Variants in EPHB1 observed in about 807,000 individuals in gnomAD.
The protein encoded by EPHB1 is EPH receptor B1, also known as ephrin type-B receptor 1.
EPHB1 carries 30 observed loss-of-function variants against 94.4 expected under a neutral mutation model. The ratio of observed to expected loss-of-function variants is 0.32; its 90% CI spans 0.24 to 0.43. The LOEUF is 0.43. EPHB1 is among the 20% of genes least tolerant of loss of function. The pLI, the probability that EPHB1 is intolerant of heterozygous loss-of-function variation, is 1.00. For synonymous variants in EPHB1, 522 were observed against 489.1 expected (o/e 1.07, Z -0.89); for missense variants, 1,055 against 1,308.3 (o/e 0.81, Z 2.99).
At chr3:135,044,976 G>T (rs1442701113) in intron 3 of EPHB1, among the ~76,000 whole-genome samples, 1 of 152,152 alleles carries the variant, frequency 6.6e-6, no homozygotes, top group Admixed American at 6.5e-5. Context: ...AACAAGATAG[G>T]TTCCGGAGAT....
rs146257135 is a variant in EPHB1, at chr3:135,184,118, G to T, written c.1882+4136G>T. Among the ~76,000 whole-genome samples the T allele has an allele frequency of 7.2e-5, 11 of 152,322 alleles. No homozygotes were observed. In the East Asian group the frequency reaches 2.1e-3, roughly 29 times the overall value. On this transcript the variant is annotated intron_variant, in intron 10 of 15. Coordinates refer to ENST00000398015, the MANE Select transcript of EPHB1 (RefSeq NM_004441.5). ...TATCCAAACTGGGGTATACCCAAAT[G>T]AATGTGATGAATGGAGTGACTAGTG...
intron 3 of EPHB1, among the ~76,000 whole-genome samples, chr3:134,985,488 T>C (rs1022231659): frequency 6.6e-6 from 1 of 152,166 alleles, no homozygotes; most frequent in African/African-American, 2.4e-5. Flanking sequence ...AGCAGAGCAA[T>C]TAAAGATGGT....
At chr3:134,857,233 C>T (rs2037141982) in intron 1 of EPHB1, among the ~76,000 whole-genome samples, 1 of 152,160 alleles carries the variant, frequency 6.6e-6, no homozygotes, top group Non-Finnish European at 1.5e-5. Context: ...TTGTGCTCAG[C>T]CCCTGTCTGC....
intron 12 of EPHB1, among the ~76,000 whole-genome samples, chr3:135,227,885 T>C (rs1943437845): frequency 6.6e-6 from 1 of 152,164 alleles, no homozygotes; most frequent in South Asian, 2.1e-4. Flanking sequence ...CTTTCTCTCT[T>C]TCTCTCTCTG....
At chr3:134,884,465 C>G (rs2037822476) in intron 1 of EPHB1, among the ~76,000 whole-genome samples, 1 of 152,114 alleles carries the variant, frequency 6.6e-6, no homozygotes, top group African/African-American at 2.4e-5. Context: ...TGCTCAGATG[C>G]CATTCCTGGG....
intron 3 of EPHB1, among the ~76,000 whole-genome samples, chr3:135,016,406 GAAGTCTA>G (rs1176716462): frequency 6.6e-6 from 1 of 152,232 alleles, no homozygotes; most frequent in Admixed American, 6.5e-5. Flanking sequence ...AGCTCAGGCT[GAAGTCTA>G]TTGCCTCTGT....
intron 1 of EPHB1, among the ~76,000 whole-genome samples, chr3:134,897,064 C>G (rs73861984): frequency 0.017 from 2,555 of 152,322 alleles, 76 homozygotes; most frequent in African/African-American, 0.059. Context: ...AAGCAGAGGG[C>G]AGAGGTGATC....
intron 3 of EPHB1, among the ~76,000 whole-genome samples, chr3:135,021,310 G>T (rs1935980788): frequency 6.6e-6 from 1 of 152,014 alleles, no homozygotes; most frequent in Admixed American, 6.5e-5. Flanking sequence ...ATTGTATTCA[G>T]TCTTCCATCT....
At chr3:135,237,064 C>G (rs548003872) in intron 12 of EPHB1, among the ~76,000 whole-genome samples, 41 of 152,128 alleles carry the variant, frequency 2.7e-4, no homozygotes, top group Admixed American at 2.2e-3. Flanking sequence ...TTACCATGTC[C>G]CCAGCAGGGT....
intron 13 of EPHB1, 87 bp from the exon 14 acceptor site, chr3:135,248,229 G>A: frequency 7.7e-7 from 1 of 1,292,762 alleles, no homozygotes; most frequent in Non-Finnish European, 1.1e-6. Flanking sequence ...GCCTGGATCA[G>A]GGAGGCTCCA....
chr3:135,249,567 A>T (rs1932978881), intron 15 of EPHB1, 76 bp downstream of exon 15: 1 of 1,525,070 alleles, frequency 6.6e-7, no homozygotes, highest in Non-Finnish European at 8.9e-7. Context: ...AGATGGTGTG[A>T]GTCCTATTTC....
chr3:135,035,230 A>T (rs1936608462), intron 3 of EPHB1, among the ~76,000 whole-genome samples: 2 of 152,146 alleles, frequency 1.3e-5, no homozygotes, highest in African/African-American at 4.8e-5. Context: ...TCCTGCATCC[A>T]TCGCTCCTTG....
In EPHB1 at chr3:135,202,203, T is replaced by C. The variant is rs80322296; in HGVS notation, c.2346+514T>C. Among the ~76,000 whole-genome samples, 1,404 of 152,296 alleles carry C rather than the reference T, an allele frequency of 9.2e-3. 20 individuals carry two copies. The highest frequency in any genetic ancestry group is 0.032 in the African/African-American group (1,331 of 41,554). Reference sequence around the variant, plus strand: ...TTCCTGCTCAGCCTCCCCCTCTACATTCTGAGCAGCTCTAATTATCTATAT... The same window carrying C: ...TTCCTGCTCAGCCTCCCCCTCTACACTCTGAGCAGCTCTAATTATCTATAT... On this transcript the variant is annotated intron_variant, in intron 12 of 15. Transcript: ENST00000398015.
chr3:135,130,584 A>C (rs1054232064), intron 4 of EPHB1, among the ~76,000 whole-genome samples: 3 of 152,240 alleles, frequency 2.0e-5, no homozygotes, highest in African/African-American at 7.2e-5. Flanking sequence ...ATGAGTTTAC[A>C]TTGAGAAGCT....
At chr3:134,932,379 T>C (rs9859276) in intron 2 of EPHB1, among the ~76,000 whole-genome samples, 26,538 of 152,040 alleles carry the variant, frequency 0.17, 2,941 homozygotes, top group Middle Eastern at 0.33. Context: ...CTCAAGTGAC[T>C]CAGGAAAGCA....
At chr3:135,111,102 T>C (rs1336007961) in intron 4 of EPHB1, among the ~76,000 whole-genome samples, 1 of 152,194 alleles carries the variant, frequency 6.6e-6, no homozygotes, top group African/African-American at 2.4e-5. Context: ...ATTGTGGGTC[T>C]GTAAGGACAT....
intron 5 of EPHB1, among the ~76,000 whole-genome samples, chr3:135,137,669 CA>C (rs1940669337): frequency 6.6e-6 from 1 of 152,118 alleles, no homozygotes; most frequent in African/African-American, 2.4e-5. Context: ...AAACAGGTGT[CA>C]TGATACCTGC....
intron 3 of EPHB1, among the ~76,000 whole-genome samples, chr3:135,012,615 T>A (rs552624497): frequency 6.6e-6 from 1 of 152,360 alleles, no homozygotes; most frequent in South Asian, 2.1e-4. Flanking sequence ...GTGGTTCAAA[T>A]TTGTTGGATT....
chr3:134,833,228 CT>C (rs1297902458), intron 1 of EPHB1, among the ~76,000 whole-genome samples: 2 of 152,212 alleles, frequency 1.3e-5, no homozygotes, highest in Non-Finnish European at 2.9e-5. Context: ...TCCACCTAGA[CT>C]CCTTAGCTTT....
Sources: gnomAD v4.1 joint callset for allele counts (sites outside exome capture counted in the v4.1 genomes callset) on GRCh38, gnomAD v4.1.1 for gene constraint, MANE v1.5 for transcripts, NCBI Gene and HGNC (gene_info 2026-07-23, HGNC 2026-07-21) for gene names.